KIF26B: variants seen among roughly 807,000 people sequenced by gnomAD.
KIF26B encodes the protein kinesin-like protein KIF26B.
In KIF26B, 63 loss-of-function variants were observed where a neutral mutation model predicts 151.2. The observed-to-expected ratio is 0.42, with a 90% CI of 0.34 to 0.51. The LOEUF (loss-of-function observed/expected upper bound fraction) is 0.51, where lower values mean the gene tolerates loss of function less well. KIF26B is among the 20% of genes least tolerant of loss of function. The pLI, the probability that KIF26B is intolerant of heterozygous loss-of-function variation, is 0.07. For synonymous variants in KIF26B, 1,357 were observed against 1,262.1 expected (o/e 1.08, Z -1.59); for missense variants, 2,813 against 2,913.6 (o/e 0.97, Z 0.79).
intron 10 of KIF26B, among the ~76,000 whole-genome samples, chr1:245,668,062 A>C (rs902651768): frequency 6.6e-6 from 1 of 152,022 alleles, no homozygotes; most frequent in Non-Finnish European, 1.5e-5. Context: ...CGCTTGGCTA[A>C]TTTTTGTATT....
intron 4 of KIF26B, among the ~76,000 whole-genome samples, chr1:245,442,849 G>T (rs373775154): frequency 9.0e-5 from 8 of 88,982 alleles, no homozygotes; most frequent in Non-Finnish European, 6.8e-5. Context: ...CACCTACAGC[G>T]GTCATCTCCC....
intron 4 of KIF26B, among the ~76,000 whole-genome samples, chr1:245,450,767 G>A (rs1205477239): frequency 1.3e-5 from 2 of 152,186 alleles, no homozygotes; most frequent in Non-Finnish European, 2.9e-5. Context: ...TGAAGATCTG[G>A]TGGTGGGGGG....
intron 5 of KIF26B, among the ~76,000 whole-genome samples, chr1:245,591,133 CTTTGT>C (rs57150165): frequency 0.035 from 5,339 of 152,160 alleles, 340 homozygotes; most frequent in African/African-American, 0.12. Context: ...TGAGGACGTA[CTTTGT>C]TTTAAGTGCT....
chr1:245,560,538 A>T lies in KIF26B; in HGVS notation c.1350+19588A>T, dbSNP rs922978263. On this transcript the variant is annotated intron_variant, in intron 5 of 14. Coordinates refer to ENST00000407071, the MANE Select transcript of KIF26B (RefSeq NM_018012.4). This position sits in a 1 kb window ranked among gnomAD's most constrained non-coding sequence, Gnocchi z 4.3. Reference sequence around the variant, plus strand: ...TACTCTCGGTTCCTAATTATGTTAGAAAAAAAAGCAAAGCGGGAACTTGGC... The same window carrying T: ...TACTCTCGGTTCCTAATTATGTTAGTAAAAAAAGCAAAGCGGGAACTTGGC... Among the ~76,000 whole-genome samples the T allele has an allele frequency of 2.6e-5, 4 of 151,992 alleles. No homozygotes were observed. Among genetic ancestry groups the T allele is most frequent in the African/African-American group, 7.2e-5 (3 of 41,390 alleles).
Position 245,540,522 on chromosome 1 carries a change from AATCG to A in KIF26B, c.1167-244_1167-241del. On this transcript the variant is annotated intron_variant, in intron 4 of 14. Transcript: ENST00000407071. This position sits in a 1 kb window ranked among gnomAD's most constrained non-coding sequence, Gnocchi z 4.6. ...GGTGGATAACACATCATTCTTTGTAAATCGTGATTGCAGAATCCTGCTATTTTAT... is the reference window on the plus strand; with the variant it reads ...GGTGGATAACACATCATTCTTTGTAATGATTGCAGAATCCTGCTATTTTAT... The A allele has an allele frequency of 2.9e-6, 2 of 685,970 alleles. No individual in the cohort carries two copies. Among genetic ancestry groups the A allele is most frequent in the Non-Finnish European group, 2.7e-6 (1 of 374,672 alleles). 42.5% of individuals were successfully genotyped at this position (685,970 alleles called of 1,614,324 possible). A position where few individuals can be genotyped will look rare whatever the true frequency, so the allele number is the denominator to read the frequency against.
At chr1:245,243,276 C>T (rs1010475888) in intron 2 of KIF26B, among the ~76,000 whole-genome samples, 37 of 152,232 alleles carry the variant, frequency 2.4e-4, no homozygotes, top group African/African-American at 8.4e-4. Context: ...ATTGTTTTAA[C>T]GAGCATCTCC....
chr1:245,690,161 C>T (rs1173758738), intron 12 of KIF26B, among the ~76,000 whole-genome samples: 2 of 152,152 alleles, frequency 1.3e-5, no homozygotes, highest in Admixed American at 1.3e-4. Flanking sequence ...AGAAATTACC[C>T]CTGCTCATCC....
rs117187153 is a variant in KIF26B at position 245,293,180 on chromosome 1, G to A, written c.466-73654G>A. 2.5e-3 allele frequency among the ~76,000 whole-genome samples: 378 copies of A among 151,894 alleles called. 6 individuals carry two copies. In the East Asian group the frequency reaches 0.049, roughly 20 times the overall value. ...CAAGGCTAAGAAAAACCTTGTTTTC[G>A]CTCTGTCTTCTACTTGGTTTGTCTC... On this transcript the variant is annotated intron_variant, in intron 2 of 14. Transcript: ENST00000407071.
chr1:245,579,138 C>T (rs567482331), intron 5 of KIF26B, among the ~76,000 whole-genome samples: 4 of 152,258 alleles, frequency 2.6e-5, no homozygotes, highest in South Asian at 4.2e-4. Flanking sequence ...TCTTCCTAGC[C>T]ACCTGGTCAT....
At chr1:245,485,372 T>C (rs982460133) in intron 4 of KIF26B, among the ~76,000 whole-genome samples, 3 of 147,304 alleles carry the variant, frequency 2.0e-5, no homozygotes, top group Admixed American at 1.4e-4. Context: ...TTTTATGCTA[T>C]ATTCCTAGCA....
At chr1:245,653,497 T>C (rs12096757) in intron 10 of KIF26B, among the ~76,000 whole-genome samples, 72,842 of 151,936 alleles carry the variant, frequency 0.48, 18,007 homozygotes, top group Middle Eastern at 0.62. Context: ...AAATGCCTTA[T>C]GGATATTTCA....
chr1:245,685,466 C>G lies in KIF26B; in HGVS notation c.2483C>G (p.Thr828Ser), dbSNP rs1278569434. ...GAAGAAGGCCGCATGCGCAGGCCCA[C>G]CCAGCTGAGACCCTTCCACACCAGG... ...SCEEGRMRRPTQLRPFHTRAT... is the reference protein window; with the variant it reads ...SCEEGRMRRPSQLRPFHTRAT... The change falls in exon 12 of 15, where the codon ACC (threonine) becomes AGC (serine). Residue 828 changes from threonine (T) to serine (S), a missense_variant. This residue lies in a region of KIF26B where 2,060 missense variants were observed against 2,088.6 expected (regional missense o/e 0.99). Coordinates refer to ENST00000407071, the MANE Select transcript of KIF26B (RefSeq NM_018012.4). The G allele has an allele frequency of 5.6e-6, 9 of 1,613,640 alleles. No homozygotes were observed. Among genetic ancestry groups the G allele is most frequent in the Non-Finnish European group, 7.6e-6 (9 of 1,179,874 alleles).
At chr1:245,242,801 A>G (rs1051376306) in intron 2 of KIF26B, among the ~76,000 whole-genome samples, 2 of 152,114 alleles carry the variant, frequency 1.3e-5, no homozygotes, top group Non-Finnish European at 2.9e-5. Context: ...ACAGGCACGC[A>G]CCACCACAAC....
At chr1:245,436,516 A>G (rs570784144) in intron 4 of KIF26B, among the ~76,000 whole-genome samples, 1 of 152,342 alleles carries the variant, frequency 6.6e-6, no homozygotes, top group East Asian at 1.9e-4. Flanking sequence ...TGGCAAGTCC[A>G]AAATCGGCAT....
chr1:245,434,733 G>C (rs1658862650), intron 4 of KIF26B, among the ~76,000 whole-genome samples: 2 of 152,236 alleles, frequency 1.3e-5, no homozygotes, highest in South Asian at 4.2e-4. Context: ...GGATAATTCT[G>C]AGGCATGGTC....
chr1:245,235,876 C>T (rs145416791), intron 2 of KIF26B, among the ~76,000 whole-genome samples: 10 of 151,744 alleles, frequency 6.6e-5, no homozygotes, highest in East Asian at 5.8e-4. Context: ...CAGTGCTTAT[C>T]GCCTTCCCAA....
Position 245,687,375 on chromosome 1 carries a change from GAC to G in KIF26B, c.4393_4394del (p.Thr1465CysfsTer8). The G allele has an allele frequency of 6.3e-7, 1 of 1,590,092 alleles. No homozygotes were observed. Among genetic ancestry groups the G allele is most frequent in the Non-Finnish European group, 8.6e-7 (1 of 1,168,686 alleles). ...PNEEGMMRCE[T>X]ATGPSNAETR... ...ATGAAGAAGGGATGATGAGGTGTGA[GAC>G]TGCCACGGGCCCCTCGAATGCTGAG... On this transcript the variant is annotated frameshift_variant, in exon 12 of 15. Transcript: ENST00000407071. LOFTEE classifies it high-confidence loss of function. This position sits in a 1 kb window ranked among gnomAD's most constrained non-coding sequence, Gnocchi z 4.9.
intron 4 of KIF26B, among the ~76,000 whole-genome samples, chr1:245,498,921 G>T (rs916508474): frequency 3.9e-5 from 6 of 152,182 alleles, no homozygotes; most frequent in African/African-American, 1.4e-4. Context: ...AACTGGTGAG[G>T]AAAATGGGAA....
At chr1:245,310,461 C>G (rs1213566551) in intron 2 of KIF26B, among the ~76,000 whole-genome samples, 1 of 152,190 alleles carries the variant, frequency 6.6e-6, no homozygotes, top group African/African-American at 2.4e-5. Context: ...CACTTAGCAT[C>G]ATGACAATAT....
Sources: gnomAD v4.1 joint callset for allele counts (sites outside exome capture counted in the v4.1 genomes callset) on GRCh38, gnomAD v4.1.1 for gene constraint, gnomAD v4.1.1 regional missense constraint, Gnocchi (gnomAD v3.1) non-coding constraint, MANE v1.5 for transcripts, NCBI Gene and HGNC (gene_info 2026-07-23, HGNC 2026-07-21) for gene names.